RNF103: variants seen among roughly 807,000 people sequenced by gnomAD.
RNF103 encodes the protein ring finger protein 103.
In RNF103, 23 loss-of-function variants were observed where a neutral mutation model predicts 66.2. The ratio of observed to expected loss-of-function variants is 0.35; its 90% CI spans 0.25 to 0.49. The LOEUF is 0.49. Among genes scored for constraint, RNF103 ranks in the 20% least tolerant of loss-of-function variants. The pLI, the probability that RNF103 is intolerant of heterozygous loss-of-function variation, is 0.98. For missense variants in RNF103, 730 were observed against 814.7 expected, an observed-to-expected ratio of 0.90 and a Z score of 1.27; for synonymous variants, 297 against 289.9, an observed-to-expected ratio of 1.02 and a Z score of -0.25.
chr2:86,608,268 C>T lies in RNF103; in HGVS notation c.483-2850G>A, dbSNP rs993330946. On this transcript the variant is annotated intron_variant, in intron 3 of 3. Coordinates refer to ENST00000237455, the MANE Select transcript of RNF103 (RefSeq NM_005667.4). ...TTGGGAGGCCAAGGTGGGTGGATCA[C>T]TTGAGGCCAGGAGTTTGAGAACAGT... 4.6e-5 allele frequency among the ~76,000 whole-genome samples: 7 copies of T among 152,220 alleles called. No homozygotes were observed. The South Asian group carries it at 8.3e-4, about 18-fold the overall frequency.
intron 1 of RNF103, 48 bp downstream of exon 1, chr2:86,622,613 G>T: frequency 6.3e-7 from 1 of 1,582,450 alleles, no homozygotes; most frequent in Non-Finnish European, 8.7e-7. Context: ...GGTACAGGTC[G>T]TCCCCTCTCC....
intron 3 of RNF103, among the ~76,000 whole-genome samples, chr2:86,611,786 T>C (rs554381017): frequency 1.3e-5 from 2 of 152,264 alleles, no homozygotes; most frequent in South Asian, 2.1e-4. Context: ...GTCAGAATGA[T>C]AGAAGATTTA....
chr2:86,605,473 C>T, intron 3 of RNF103, 55 bp from the exon 4 acceptor site: 1 of 1,510,124 alleles, frequency 6.6e-7, no homozygotes, highest in South Asian at 1.4e-5. Context: ...AACAATTTAT[C>T]TTCCCTGACA....
At position 86,623,345 on chromosome 2, in the gene RNF103, G is replaced by A; in HGVS notation, c.-459C>T. 1.0e-6 allele frequency: 1 copy of A among 984,302 alleles called. No individual in the cohort carries two copies. Among genetic ancestry groups the A allele is most frequent in the Non-Finnish European group, 1.2e-6 (1 of 829,672 alleles). The allele number at this position is 984,302 out of a possible 1,614,324, so 61.0% of individuals were successfully genotyped here. ...AGATCCGCCCAGGAGGCGGGGATCC[G>A]GGCGGCAGGCCGGGGCCCGAGGGGC... On this transcript the variant is annotated 5_prime_UTR_variant, in exon 1 of 4. Transcript: ENST00000237455.
At chr2:86,616,552 G>A (rs183528830) in intron 2 of RNF103, 10 of 985,326 alleles carry the variant, frequency 1.0e-5, no homozygotes, top group Admixed American at 6.1e-5. Context: ...AAAGAAATAC[G>A]TAATTTAGAA....
Position 86,623,396 on chromosome 2 carries a change from C to T in RNF103, c.-510G>A. ...CGTGGGGGCCGGACTCCCGCGGCCG[C>T]GGGTCAGGAGGGCGCGGCGCTCGGC... On this transcript the variant is annotated 5_prime_UTR_variant, in exon 1 of 4. Transcript: ENST00000237455. 2 of 979,624 alleles carry T rather than the reference C, an allele frequency of 2.0e-6. No homozygotes were observed. The highest frequency in any genetic ancestry group is 9.4e-5 in the South Asian group (2 of 21,186). 60.7% of individuals were successfully genotyped at this position (979,624 alleles called of 1,614,324 possible).
intron 3 of RNF103, among the ~76,000 whole-genome samples, chr2:86,611,594 C>G (rs1346333447): frequency 6.6e-6 from 1 of 151,884 alleles, no homozygotes; most frequent in Non-Finnish European, 1.5e-5. Flanking sequence ...TCTGAGGATT[C>G]TTATTTGAGA....
At chr2:86,616,332 T>TA (rs1679017704) in intron 2 of RNF103, 1 of 248,106 alleles carries the variant, frequency 4.0e-6, no homozygotes, top group African/African-American at 2.3e-5. Flanking sequence ...TTCATTATAA[T>TA]AGGGAGTCTC....
In RNF103 at chr2:86,603,554, T is replaced by G. The variant is rs1000148956; in HGVS notation, c.*289A>C. The G allele has an allele frequency of 2.7e-6, 1 of 368,810 alleles. No homozygotes were observed. The highest frequency in any genetic ancestry group is 4.9e-6 in the Non-Finnish European group (1 of 206,064). 22.8% of individuals were successfully genotyped at this position (368,810 alleles called of 1,614,324 possible). On this transcript the variant is annotated 3_prime_UTR_variant, in exon 4 of 4. Transcript: ENST00000237455. ...AATTCCATTAGAATTTGATCCTATCTTGTAAAGTCTTGCTAGGATAAATTT... is the reference window on the plus strand; with the variant it reads ...AATTCCATTAGAATTTGATCCTATCGTGTAAAGTCTTGCTAGGATAAATTT...
At position 86,603,737 on chromosome 2, in the gene RNF103, C is replaced by A; in HGVS notation, c.*106G>T. ...TTAGCATAATGTGTATTTCCCGTCACTGCACTAACATTAAACTAAACTTCA... is the reference window on the plus strand; with the variant it reads ...TTAGCATAATGTGTATTTCCCGTCAATGCACTAACATTAAACTAAACTTCA... On this transcript the variant is annotated 3_prime_UTR_variant, in exon 4 of 4. Coordinates refer to ENST00000237455, the MANE Select transcript of RNF103 (RefSeq NM_005667.4). 1 of 1,443,302 alleles carries A rather than the reference C, an allele frequency of 6.9e-7. No homozygotes were observed. Among genetic ancestry groups the A allele is most frequent in the Non-Finnish European group, 9.3e-7 (1 of 1,073,228 alleles). The allele number at this position is 1,443,302 out of a possible 1,614,324, so 89.4% of individuals were successfully genotyped here.
At chr2:86,616,540 A>G in intron 2 of RNF103, 1 of 985,452 alleles carries the variant, frequency 1.0e-6, no homozygotes, top group Non-Finnish European at 1.2e-6. Flanking sequence ...AGCAGTATCA[A>G]GAAAGAAATA....
At chr2:86,619,481 G>C (rs1679144274) in intron 2 of RNF103, among the ~76,000 whole-genome samples, 1 of 152,138 alleles carries the variant, frequency 6.6e-6, no homozygotes, top group South Asian at 2.1e-4. Flanking sequence ...GAAAGGGTTA[G>C]TCTGATATAA....
chr2:86,611,664 A>G (rs1230454697), intron 3 of RNF103, among the ~76,000 whole-genome samples: 1 of 152,208 alleles, frequency 6.6e-6, no homozygotes, highest in Non-Finnish European at 1.5e-5. Flanking sequence ...TACATGGATG[A>G]TTAAAGAAAA....
chr2:86,613,349 C>T (rs561580022), intron 2 of RNF103: 2 of 152,118 alleles, frequency 1.3e-5, no homozygotes, highest in South Asian at 2.1e-4. Context: ...TTAATGAAGG[C>T]AGAATTTCAA....
intron 3 of RNF103, 108 bp from the exon 4 acceptor site, chr2:86,605,526 T>A: frequency 8.2e-7 from 1 of 1,213,420 alleles, no homozygotes; most frequent in Non-Finnish European, 1.1e-6. Flanking sequence ...AATTTCCAAA[T>A]AATCAAAAAG....
chr2:86,614,712 CAA>C (rs749033158), intron 2 of RNF103: 54 of 920,582 alleles, frequency 5.9e-5, no homozygotes, highest in African/African-American at 3.1e-4. Flanking sequence ...TGCTACCACT[CAA>C]GAGTCAATCT....
chr2:86,607,013 TTTAG>T lies in RNF103; in HGVS notation c.483-1599_483-1596del, dbSNP rs137968947. Among the ~76,000 whole-genome samples, 1,492 of 152,208 alleles carry T rather than the reference TTTAG, an allele frequency of 9.8e-3. 21 individuals are homozygous for T. Among genetic ancestry groups the T allele is most frequent in the African/African-American group, 0.032 (1,343 of 41,546 alleles). The stretch of plus-strand genomic sequence containing the variant: ...GCCCAGGCTGCCTTTTGTTTTTGGT[TTTAG>T]TTAGTTTTTCATGTACCACACAGAA... On this transcript the variant is annotated intron_variant, in intron 3 of 3. Coordinates refer to ENST00000237455, the MANE Select transcript of RNF103 (RefSeq NM_005667.4).
intron 3 of RNF103, 167 bp from the exon 4 acceptor site, chr2:86,605,585 T>C: frequency 1.6e-6 from 1 of 634,452 alleles, no homozygotes; most frequent in Non-Finnish European, 2.5e-6. Context: ...TTTTTCTAGT[T>C]TGTTTTGTAT....
chr2:86,621,241 G>A (rs1017033987), intron 1 of RNF103, among the ~76,000 whole-genome samples: 4 of 151,976 alleles, frequency 2.6e-5, no homozygotes, highest in African/African-American at 9.7e-5. Flanking sequence ...AGTTAAATGT[G>A]GACTTCTAGT....
Sources: gnomAD v4.1 joint callset for allele counts (sites outside exome capture counted in the v4.1 genomes callset) on GRCh38, gnomAD v4.1.1 for gene constraint, MANE v1.5 for transcripts, NCBI Gene and HGNC (gene_info 2026-07-23, HGNC 2026-07-21) for gene names.